Variants in DHRS7B observed in about 807,000 individuals in gnomAD.
The protein encoded by DHRS7B is dehydrogenase/reductase 7B, also known as peroxisomal reductase activating PPAR-gamma.
DHRS7B carries 24 observed loss-of-function variants against 26.4 expected under a neutral mutation model. The observed-to-expected ratio is 0.91, with a 90% CI of 0.66 to 1.28. The LOEUF is 1.28. Ranked by LOEUF, DHRS7B falls within the 50% of genes most tolerant of loss-of-function variation. DHRS7B has a pLI of 0.00. For missense variants in DHRS7B, 368 were observed against 419.4 expected (o/e 0.88, Z 1.07); for synonymous variants, 142 against 166.4 (o/e 0.85, Z 1.13).
intron 1 of DHRS7B, among the ~76,000 whole-genome samples, chr17:21,133,504 C>T (rs1973282846): frequency 6.6e-6 from 1 of 152,188 alleles, no homozygotes; most frequent in Admixed American, 6.5e-5. Flanking sequence ...CCAAAGGAGG[C>T]AATCGGAATA....
At chr17:21,132,522 C>G (rs1973256871) in intron 1 of DHRS7B, among the ~76,000 whole-genome samples, 1 of 122,606 alleles carries the variant, frequency 8.2e-6, no homozygotes, top group African/African-American at 3.1e-5. Flanking sequence ...CAGAGGGAGA[C>G]CTTGTCTCAA....
chr17:21,186,860 C>T (rs1974645906), intron 5 of DHRS7B, among the ~76,000 whole-genome samples: 1 of 152,066 alleles, frequency 6.6e-6, no homozygotes, highest in South Asian at 2.1e-4. Flanking sequence ...AAAGCCACTG[C>T]CTGGACATTT....
At chr17:21,167,469 C>A (rs1974140032) in intron 1 of DHRS7B, among the ~76,000 whole-genome samples, 1 of 152,214 alleles carries the variant, frequency 6.6e-6, no homozygotes, top group Non-Finnish European at 1.5e-5. Context: ...TGAGTCTCAT[C>A]AGTGTGAGAC....
At chr17:21,183,370 A>C (rs1406743102) in intron 3 of DHRS7B, among the ~76,000 whole-genome samples, 1 of 151,992 alleles carries the variant, frequency 6.6e-6, no homozygotes, top group Non-Finnish European at 1.5e-5. Context: ...TTTTGGCTTC[A>C]TTGATTTTTA....
At chr17:21,141,912 G>T (rs555083373) in intron 1 of DHRS7B, among the ~76,000 whole-genome samples, 2 of 152,200 alleles carry the variant, frequency 1.3e-5, no homozygotes, top group East Asian at 1.9e-4. Context: ...TTTGTCAAAG[G>T]TCAAGGGCAT....
At chr17:21,134,921 T>G (rs1973309222) in intron 1 of DHRS7B, among the ~76,000 whole-genome samples, 1 of 152,154 alleles carries the variant, frequency 6.6e-6, no homozygotes, top group African/African-American at 2.4e-5. Context: ...CTCATGAACA[T>G]TTTAGCTCTC....
At chr17:21,190,445 G>A (rs1233819665) in intron 6 of DHRS7B, among the ~76,000 whole-genome samples, 1 of 152,144 alleles carries the variant, frequency 6.6e-6, no homozygotes, top group African/African-American at 2.4e-5. Flanking sequence ...GCATATGGGG[G>A]TCAATAGTCC....
intron 5 of DHRS7B, among the ~76,000 whole-genome samples, chr17:21,187,242 G>C (rs1974658193): frequency 6.6e-6 from 1 of 151,764 alleles, no homozygotes; most frequent in Non-Finnish European, 1.5e-5. Context: ...GATTGCTTGA[G>C]GCCAGGAAGT....
chr17:21,191,280 C>A lies in DHRS7B; in HGVS notation c.*127C>A. ...TCACAAGTGGGAAAGACTGAAGAAA[C>A]ACATCTCGTGCAGATCTGCTGGCAG... On this transcript the variant is annotated 3_prime_UTR_variant, in exon 7 of 7. Transcript: ENST00000395511. The A allele has an allele frequency of 2.0e-6, 2 of 986,696 alleles. No individual in the cohort carries two copies. The highest frequency in any genetic ancestry group is 2.4e-5 in the Admixed American group (1 of 42,144). The allele number at this position is 986,696 out of a possible 1,614,324, so 61.1% of individuals were successfully genotyped here. A position where few individuals can be genotyped will look rare whatever the true frequency, so the allele number is the denominator to read the frequency against.
intron 1 of DHRS7B, among the ~76,000 whole-genome samples, chr17:21,140,924 G>A (rs1167099016): frequency 6.6e-6 from 1 of 151,514 alleles, no homozygotes; most frequent in Non-Finnish European, 1.5e-5. Context: ...GGGGAACTGA[G>A]CTTGTAGCCT....
At chr17:21,152,144 C>A (rs1318251405) in intron 1 of DHRS7B, among the ~76,000 whole-genome samples, 1 of 152,048 alleles carries the variant, frequency 6.6e-6, no homozygotes, top group Non-Finnish European at 1.5e-5. Context: ...TACCTAGCTT[C>A]GGGTGTTGTT....
intron 1 of DHRS7B, among the ~76,000 whole-genome samples, chr17:21,134,302 A>T (rs1206219708): frequency 5.9e-5 from 9 of 152,074 alleles, no homozygotes; most frequent in Admixed American, 5.9e-4. Flanking sequence ...TTTTACATAC[A>T]CTTTTAAATT....
At chr17:21,162,163 CA>C (rs1326213851) in intron 1 of DHRS7B, among the ~76,000 whole-genome samples, 1 of 151,808 alleles carries the variant, frequency 6.6e-6, no homozygotes, top group African/African-American at 2.4e-5. Context: ...TGTTAGAATT[CA>C]AAGTATTATG....
chr17:21,177,984 G>C (rs907008483), intron 2 of DHRS7B, among the ~76,000 whole-genome samples: 11 of 152,224 alleles, frequency 7.2e-5, no homozygotes, highest in African/African-American at 2.7e-4. Flanking sequence ...AACATCATGG[G>C]GTGTTCTGAG....
At chr17:21,164,562 G>C (rs188454244) in intron 1 of DHRS7B, among the ~76,000 whole-genome samples, 1 of 152,170 alleles carries the variant, frequency 6.6e-6, no homozygotes, top group African/African-American at 2.4e-5. Flanking sequence ...TGCGGTGTTC[G>C]GCCAGCACAG....
chr17:21,151,234 C>T (rs889570856), intron 1 of DHRS7B, among the ~76,000 whole-genome samples: 26 of 151,972 alleles, frequency 1.7e-4, no homozygotes, highest in African/African-American at 6.0e-4. Flanking sequence ...AGGCTGGGTG[C>T]GGTGGCTCAC....
chr17:21,157,250 T>C (rs1036705055), intron 1 of DHRS7B, among the ~76,000 whole-genome samples: 1 of 152,178 alleles, frequency 6.6e-6, no homozygotes, highest in African/African-American at 2.4e-5. Flanking sequence ...AAACCAAAGA[T>C]ATTACAAGAA....
chr17:21,145,564 A>G (rs1033719216), intron 1 of DHRS7B, among the ~76,000 whole-genome samples: 10 of 152,228 alleles, frequency 6.6e-5, no homozygotes, highest in African/African-American at 2.4e-4. Context: ...ATAAGGAGAG[A>G]TAAAGAAATT....
At chr17:21,181,948 C>T (rs1974522995) in intron 3 of DHRS7B, among the ~76,000 whole-genome samples, 1 of 152,070 alleles carries the variant, frequency 6.6e-6, no homozygotes, top group Non-Finnish European at 1.5e-5. Flanking sequence ...TCTAATTGTT[C>T]TGGTTAGCAC....
Sources: gnomAD v4.1 joint callset for allele counts (sites outside exome capture counted in the v4.1 genomes callset) on GRCh38, gnomAD v4.1.1 for gene constraint, MANE v1.5 for transcripts, NCBI Gene and HGNC (gene_info 2026-07-23, HGNC 2026-07-21) for gene names.